TBC1D7: variants seen among roughly 807,000 people sequenced by gnomAD.
The protein encoded by TBC1D7 is TBC domain family 7.
A neutral mutation model predicts 35.3 loss-of-function variants in TBC1D7; 33 were observed. The observed-to-expected ratio is 0.93, with a 90% confidence interval of 0.71 to 1.25. The LOEUF is 1.25. Among genes scored for constraint, TBC1D7 ranks in the 50% most tolerant of loss-of-function variants. The pLI, the probability that TBC1D7 is intolerant of heterozygous loss-of-function variation, is 0.00. For missense variants in TBC1D7, 362 were observed against 365.3 expected (o/e 0.99, Z 0.07); for synonymous variants, 135 against 129.5 (o/e 1.04, Z -0.29).
At chr6:13,324,108 G>C (rs1188674884) in intron 3 of TBC1D7, among the ~76,000 whole-genome samples, 1 of 151,352 alleles carries the variant, frequency 6.6e-6, no homozygotes, top group South Asian at 2.1e-4. Context: ...TGAACAAACT[G>C]TAAGTTTTTT....
At chr6:13,310,353 G>T (rs1783105864) in intron 5 of TBC1D7, among the ~76,000 whole-genome samples, 1 of 152,166 alleles carries the variant, frequency 6.6e-6, no homozygotes, top group Non-Finnish European at 1.5e-5. Context: ...AGAATATTTT[G>T]TAGGCTGGGC....
chr6:13,319,584 T>A (rs1352421157), intron 4 of TBC1D7: 2 of 150,896 alleles, frequency 1.3e-5, no homozygotes. Context: ...CAGTGGGACA[T>A]CAGCAAAATC....
At chr6:13,327,919 C>T (rs1417655625) in intron 1 of TBC1D7, 2 of 152,170 alleles carry the variant, frequency 1.3e-5, no homozygotes, top group East Asian at 3.8e-4. Flanking sequence ...GGGAGGGCTT[C>T]CTTCCTTATT....
intron 5 of TBC1D7, among the ~76,000 whole-genome samples, chr6:13,308,168 A>T (rs996138565): frequency 6.6e-6 from 1 of 152,236 alleles, no homozygotes; most frequent in African/African-American, 2.4e-5. Flanking sequence ...AGGGGGAAAG[A>T]GGAAAGGTAA....
At chr6:13,326,460 C>T (rs1784411847) in intron 2 of TBC1D7, among the ~76,000 whole-genome samples, 1 of 141,528 alleles carries the variant, frequency 7.1e-6, no homozygotes, top group Non-Finnish European at 1.5e-5. Context: ...CAGACTTGGT[C>T]TCAAAAAAAA....
At position 13,321,289 on chromosome 6, in the gene TBC1D7, A is replaced by G. The variant is rs558069086; in HGVS notation, c.194-194T>C. On this transcript the variant is annotated intron_variant, in intron 3 of 7. Coordinates refer to ENST00000379300, the MANE Select transcript of TBC1D7 (RefSeq NM_016495.6). ...CAATCTTAAATGTGAAATATTATCAATGTTTGAGTGCTGATGCATCACTGA... is the reference window on the plus strand; with the variant it reads ...CAATCTTAAATGTGAAATATTATCAGTGTTTGAGTGCTGATGCATCACTGA... 6.6e-5 allele frequency among the ~76,000 whole-genome samples: 10 copies of G among 152,312 alleles called. No homozygotes were observed. The East Asian group carries it at 1.2e-3, about 18-fold the overall frequency.
At chr6:13,312,377 A>C (rs1783282242) in intron 5 of TBC1D7, among the ~76,000 whole-genome samples, 1 of 152,174 alleles carries the variant, frequency 6.6e-6, no homozygotes, top group Non-Finnish European at 1.5e-5. Flanking sequence ...TAAAATGTTT[A>C]AGCATTTTTA....
chr6:13,326,672 T>C (rs1584579843), intron 2 of TBC1D7, 115 bp downstream of exon 2: 1 of 584,930 alleles, frequency 1.7e-6, no homozygotes, highest in East Asian at 3.1e-5. Context: ...CTTCACCACA[T>C]CACTAAAAAA....
chr6:13,317,876 G>T (rs1783747736), intron 4 of TBC1D7, among the ~76,000 whole-genome samples: 1 of 152,228 alleles, frequency 6.6e-6, no homozygotes, highest in African/African-American at 2.4e-5. Flanking sequence ...AGGTGCTACG[G>T]TTCAAATATC....
At chr6:13,317,515 T>C (rs1400144767) in intron 4 of TBC1D7, among the ~76,000 whole-genome samples, 1 of 152,270 alleles carries the variant, frequency 6.6e-6, no homozygotes, top group African/African-American at 2.4e-5. Context: ...GTTATTTTAA[T>C]GTATTATTTC....
At chr6:13,320,742 T>A (rs751677760) in intron 4 of TBC1D7, 166 bp downstream of exon 4, 2 of 755,038 alleles carry the variant, frequency 2.6e-6, no homozygotes, top group South Asian at 2.8e-5. Flanking sequence ...GAAGGTTGGG[T>A]CAGAATGTGC....
At chr6:13,319,132 CAA>C (rs1783843222) in intron 4 of TBC1D7, 1 of 152,166 alleles carries the variant, frequency 6.6e-6, no homozygotes, top group African/African-American at 2.4e-5. Context: ...CAGGGCTCTT[CAA>C]AAGTGTCAAG....
At chr6:13,308,865 C>T (rs1056383465) in intron 5 of TBC1D7, among the ~76,000 whole-genome samples, 3 of 152,248 alleles carry the variant, frequency 2.0e-5, no homozygotes, top group South Asian at 2.1e-4. Context: ...TACACTGTAA[C>T]GCTGTGATGC....
chr6:13,313,945 T>C (rs965754032), intron 5 of TBC1D7, among the ~76,000 whole-genome samples: 1 of 152,084 alleles, frequency 6.6e-6, no homozygotes, highest in Admixed American at 6.5e-5. Flanking sequence ...ACATGTACAG[T>C]ATAATACTAC....
At chr6:13,328,016 G>A (rs1448386656) in intron 1 of TBC1D7, 1 of 152,138 alleles carries the variant, frequency 6.6e-6, no homozygotes, top group South Asian at 2.1e-4. Flanking sequence ...TGAGCTTTCG[G>A]GAGCAGATGT....
At chr6:13,308,584 GA>G (rs1160148861) in intron 5 of TBC1D7, among the ~76,000 whole-genome samples, 1 of 152,196 alleles carries the variant, frequency 6.6e-6, no homozygotes, top group Non-Finnish European at 1.5e-5. Context: ...TCCACTGGCT[GA>G]GAATGGGCTC....
At chr6:13,310,199 T>A (rs1180184302) in intron 5 of TBC1D7, among the ~76,000 whole-genome samples, 7 of 152,172 alleles carry the variant, frequency 4.6e-5, no homozygotes, top group Admixed American at 4.6e-4. Flanking sequence ...AGCAAACACA[T>A]GAGAAGCTGC....
intron 4 of TBC1D7, chr6:13,318,824 G>C (rs941970053): frequency 7.9e-5 from 12 of 152,162 alleles, no homozygotes; most frequent in Non-Finnish European, 1.6e-4. Flanking sequence ...AAAGAATGAA[G>C]GAGTTAGATC....
At chr6:13,316,973 C>T (rs1045854421) in intron 4 of TBC1D7, among the ~76,000 whole-genome samples, 10 of 152,154 alleles carry the variant, frequency 6.6e-5, no homozygotes, top group African/African-American at 2.4e-4. Flanking sequence ...CATTAAGCCC[C>T]TCACAGAGTC....
Sources: allele counts gnomAD v4.1 joint callset (sites outside exome capture counted in the v4.1 genomes callset), GRCh38; gene constraint gnomAD v4.1.1; transcripts MANE v1.5; gene names NCBI Gene and HGNC (gene_info 2026-07-23, HGNC 2026-07-21).